FREM1: variants seen among roughly 807,000 people sequenced by gnomAD.
The protein encoded by FREM1 is FRAS1 related extracellular matrix 1.
A neutral mutation model predicts 210.1 loss-of-function variants in FREM1; 220 were observed. That is an observed-to-expected ratio of 1.05 (90% confidence interval 0.94 to 1.17). FREM1 has a LOEUF of 1.17. Among genes scored for constraint, FREM1 ranks in the 50% most tolerant of loss-of-function variants. The pLI, the probability that FREM1 is intolerant of heterozygous loss-of-function variation, is 0.00. For missense variants in FREM1, 3,454 were observed against 2,675.5 expected, an observed-to-expected ratio of 1.29 and a Z score of -6.42; for synonymous variants, 1,189 against 980.2, an observed-to-expected ratio of 1.21 and a Z score of -3.98.
At chr9:14,856,308 T>C (rs1828720266) in intron 5 of FREM1, among the ~76,000 whole-genome samples, 1 of 152,212 alleles carries the variant, frequency 6.6e-6, no homozygotes, top group Non-Finnish European at 1.5e-5. Flanking sequence ...TAACTATTAT[T>C]TGGACTCAGA....
intron 27 of FREM1, among the ~76,000 whole-genome samples, chr9:14,768,945 C>CA (rs1440510490): frequency 6.6e-6 from 1 of 151,306 alleles, no homozygotes; most frequent in Non-Finnish European, 1.5e-5. Context: ...GTATCAAAAA[C>CA]AAACAAACAA....
At chr9:14,786,229 A>G (rs1215737417) in intron 23 of FREM1, among the ~76,000 whole-genome samples, 1 of 152,198 alleles carries the variant, frequency 6.6e-6, no homozygotes, top group African/African-American at 2.4e-5. Flanking sequence ...TAAAACATTG[A>G]GTGAGAATTC....
chr9:14,884,363 T>G (rs1018767006), intron 1 of FREM1, among the ~76,000 whole-genome samples: 1 of 152,236 alleles, frequency 6.6e-6, no homozygotes, highest in African/African-American at 2.4e-5. Flanking sequence ...TCCCTGACCA[T>G]TTTCCCACCA....
intron 24 of FREM1, 28 bp downstream of exon 24, chr9:14,784,342 G>C: frequency 1.9e-6 from 3 of 1,599,420 alleles, no homozygotes; most frequent in Non-Finnish European, 1.7e-6. Flanking sequence ...TCCAAAGAAG[G>C]GGTTTGAAAA....
intron 1 of FREM1, among the ~76,000 whole-genome samples, chr9:14,903,849 C>T (rs1817165083): frequency 6.6e-6 from 1 of 152,038 alleles, no homozygotes; most frequent in Admixed American, 6.6e-5. Flanking sequence ...TGGCCGGGTG[C>T]GGTGGCTCAA....
intron 10 of FREM1, among the ~76,000 whole-genome samples, chr9:14,828,189 G>A (rs1206004185): frequency 6.6e-6 from 1 of 152,206 alleles, no homozygotes; most frequent in Non-Finnish European, 1.5e-5. Context: ...TGCCTGGGCT[G>A]TACCCAGAAA....
Position 14,804,996 on chromosome 9 carries a change from G to T in FREM1, c.3431C>A (p.Thr1144Lys). 6.2e-7 allele frequency: 1 copy of T among 1,613,528 alleles called. No individual in the cohort carries two copies. The highest frequency in any genetic ancestry group is 8.5e-7 in the Non-Finnish European group (1 of 1,179,482). Residue 1144 changes from threonine (T) to lysine (K), a missense_variant, in exon 19 of 37, where the codon ACA (threonine) becomes AAA (lysine). Thr to Lys is a moderately conservative substitution (Grantham distance 78). Transcript: ENST00000380880. The stretch of plus-strand genomic sequence containing the variant: ...TACAAAGTCAGGAGCTTCATCATTT[G>T]TGGGGTTGATTATAATAGAAAATGG... ...EIPFSIIINP[T>K]NDEAPDFVVQ...
chr9:14,813,041 T>C lies in FREM1; in HGVS notation c.2664A>G (p.Pro888=), dbSNP rs770252033. The change falls in exon 16 of 37, where the codon CCA becomes CCG. Residue 888 remains proline, a synonymous_variant. Transcript: ENST00000380880. The part of the protein sequence containing the change: ...HVEVFPVNDE[P]PVLKADLMPV... Reference sequence around the variant, plus strand: ...GCATGAGGTCAGCCTTTAAGACTGGTGGCTCATCGTTGACAGGGAATACCT... The same window carrying C: ...GCATGAGGTCAGCCTTTAAGACTGGCGGCTCATCGTTGACAGGGAATACCT... The C allele has an allele frequency of 2.5e-6, 4 of 1,610,658 alleles. No homozygotes were observed. In the East Asian group the frequency reaches 8.9e-5, roughly 36 times the overall value.
intron 13 of FREM1, among the ~76,000 whole-genome samples, chr9:14,821,230 C>G (rs1821253173): frequency 6.6e-6 from 1 of 152,014 alleles, no homozygotes; most frequent in Non-Finnish European, 1.5e-5. Flanking sequence ...AATTTTGTTT[C>G]TAATATCCTC....
chr9:14,857,153 C>G (rs1023833062), intron 5 of FREM1, among the ~76,000 whole-genome samples: 1 of 152,084 alleles, frequency 6.6e-6, no homozygotes. Flanking sequence ...CTCCCTCCCC[C>G]TAGTTTCCTG....
chr9:14,750,731 AT>A (rs140212624), intron 29 of FREM1, among the ~76,000 whole-genome samples: 1,901 of 152,262 alleles, frequency 0.012, 39 homozygotes, highest in African/African-American at 0.042. Flanking sequence ...TTTCTTAATC[AT>A]TTCTAAAGAC....
chr9:14,875,809 T>C (rs367892004), intron 1 of FREM1, among the ~76,000 whole-genome samples: 2 of 152,170 alleles, frequency 1.3e-5, no homozygotes, highest in African/African-American at 4.8e-5. Flanking sequence ...TGTGGTTTTA[T>C]CTACTTTTGG....
At chr9:14,869,465 C>G (rs1832179022) in intron 1 of FREM1, among the ~76,000 whole-genome samples, 1 of 152,208 alleles carries the variant, frequency 6.6e-6, no homozygotes, top group Non-Finnish European at 1.5e-5. Flanking sequence ...TGACATACCG[C>G]TTCCGGACTT....
chr9:14,752,849 C>CAAA, intron 29 of FREM1, among the ~76,000 whole-genome samples: 1 of 152,002 alleles, frequency 6.6e-6, no homozygotes, highest in African/African-American at 2.4e-5. Flanking sequence ...ATAGTACCCC[C>CAAA]CAAACAAACA....
chr9:14,861,342 T>C (rs1220171224), intron 3 of FREM1, among the ~76,000 whole-genome samples: 6 of 122,542 alleles, frequency 4.9e-5, no homozygotes, highest in South Asian at 2.3e-4. Flanking sequence ...TATATACACA[T>C]ATATATACAT....
intron 35 of FREM1, among the ~76,000 whole-genome samples, chr9:14,745,468 C>T (rs1027595985): frequency 8.6e-5 from 13 of 152,006 alleles, no homozygotes; most frequent in Non-Finnish European, 8.8e-5. Context: ...TTGTTTGAAT[C>T]GTCATTTTGT....
At position 14,842,665 on chromosome 9, in the gene FREM1, G is replaced by A. The variant is rs769521538; in HGVS notation, c.1394-5C>T. 3 of 1,608,644 alleles carry A rather than the reference G, an allele frequency of 1.9e-6. No homozygotes were observed. The South Asian group carries it at 3.3e-5, about 18-fold the overall frequency. On this transcript the variant is annotated splice_region_variant and splice_polypyrimidine_tract_variant and intron_variant, in intron 8 of 36. Coordinates refer to ENST00000380880, the MANE Select transcript of FREM1 (RefSeq NM_001379081.2). ...TGAAGAGAAACCCTTTCCCCCCTGA[G>A]GGAGAGAGCAGAGATGGAGCAGATT...
chr9:14,779,136 C>T, intron 24 of FREM1, among the ~76,000 whole-genome samples: 1 of 152,222 alleles, frequency 6.6e-6, no homozygotes, highest in Admixed American at 6.5e-5. Context: ...AGGCTAGGTG[C>T]TCCCTCAGTG....
chr9:14,841,336 T>C lies in FREM1; in HGVS notation c.1881+111A>G, dbSNP rs976499546. The C allele has an allele frequency of 1.9e-4, 168 of 876,224 alleles. 1 individual carries two copies. In the African/African-American group the frequency reaches 2.5e-3, roughly 13 times the overall value. The allele number at this position is 876,224 out of a possible 1,614,324, so 54.3% of individuals were successfully genotyped here. On this transcript the variant is annotated intron_variant, in intron 10 of 36. Coordinates refer to ENST00000380880, the MANE Select transcript of FREM1 (RefSeq NM_001379081.2). ...TGCTTAATTTTGTTTAATCGATTGT[T>C]TTTCAAATTTTAAACCTTGAAACCT...
Sources: gnomAD v4.1 joint callset for allele counts (sites outside exome capture counted in the v4.1 genomes callset) on GRCh38, gnomAD v4.1.1 for gene constraint, MANE v1.5 for transcripts, NCBI Gene and HGNC (gene_info 2026-07-23, HGNC 2026-07-21) for gene names.